Variants in PPP1R13B observed in about 807,000 individuals in gnomAD.
PPP1R13B encodes apoptosis-stimulating of p53 protein 1.
PPP1R13B carries 44 observed loss-of-function variants against 119.8 expected under a neutral mutation model. The ratio of observed to expected loss-of-function variants is 0.37; its 90% CI spans 0.29 to 0.47. PPP1R13B has a LOEUF of 0.47. PPP1R13B is among the 20% of genes least tolerant of loss of function. The pLI is 0.99. For synonymous variants in PPP1R13B, 542 were observed against 561.5 expected (o/e 0.97, Z 0.49); for missense variants, 1,227 against 1,413.5 (o/e 0.87, Z 2.12).
At position 103,738,761 on chromosome 14, in the gene PPP1R13B, C is replaced by T. The variant is rs766926889; in HGVS notation, c.2782G>A (p.Ala928Thr). The T allele has an allele frequency of 3.7e-6, 6 of 1,614,108 alleles. No homozygotes were observed. The highest frequency in any genetic ancestry group is 4.2e-6 in the Non-Finnish European group (5 of 1,180,044). Reference protein sequence around the residue: ...NDEGITPLHNAVCAGHHHIVK... With the variant: ...NDEGITPLHNTVCAGHHHIVK... ...ATGTGATGGTGGCCGGCGCAGACGG[C>T]GTTGTGCAGTGGGGTGATCCCTTCG... The change falls in exon 14 of 17, where the codon GCC (alanine) becomes ACC (threonine). Residue 928 changes from alanine to threonine, a missense_variant. Ala to Thr is a moderately conservative substitution (Grantham distance 58). Coordinates refer to ENST00000202556, the MANE Select transcript of PPP1R13B (RefSeq NM_015316.3). This position sits in a 1 kb window ranked among gnomAD's most constrained non-coding sequence, Gnocchi z 5.6.
intron 4 of PPP1R13B, chr14:103,763,025 A>G (rs1392881985): frequency 1.4e-5 from 21 of 1,460,820 alleles, no homozygotes; most frequent in Non-Finnish European, 1.6e-5. Flanking sequence ...TAGTGCAAGC[A>G]ATAATAGAGA....
rs1237047784 is a variant in PPP1R13B at position 103,745,954 on chromosome 14, C to G, written c.1150+419G>C. ...CTGAGTAGCTGGGATTACAGGTGCA[C>G]GCCACCACGCCCGGCTAATTTTCGT... On this transcript the variant is annotated intron_variant, in intron 9 of 16. Coordinates refer to ENST00000202556, the MANE Select transcript of PPP1R13B (RefSeq NM_015316.3). 2.0e-5 allele frequency among the ~76,000 whole-genome samples: 3 copies of G among 152,076 alleles called. No homozygotes were observed. The East Asian group carries it at 5.8e-4, about 29-fold the overall frequency.
Position 103,832,134 on chromosome 14 carries a change from T to C in PPP1R13B, c.9+15165A>G, listed in dbSNP as rs142072068. Among the ~76,000 whole-genome samples, 443 of 152,232 alleles carry C rather than the reference T, an allele frequency of 2.9e-3. 3 individuals carry two copies. Among genetic ancestry groups the C allele is most frequent in the African/African-American group, 9.7e-3 (402 of 41,550 alleles). On this transcript the variant is annotated intron_variant, in intron 1 of 16. Transcript: ENST00000202556. Reference sequence around the variant, plus strand: ...AAAAAAAAAAAAAAAGTTATGTTTCTATTGCACACAGCTCATCTAAAATGT... The same window carrying C: ...AAAAAAAAAAAAAAAGTTATGTTTCCATTGCACACAGCTCATCTAAAATGT...
At chr14:103,757,973 T>C (rs2151987309) in intron 4 of PPP1R13B, among the ~76,000 whole-genome samples, 1 of 152,336 alleles carries the variant, frequency 6.6e-6, no homozygotes, top group South Asian at 2.1e-4. Flanking sequence ...CCGTATTTAG[T>C]AAGGGCTCAA....
chr14:103,762,892 A>C (rs2084843397), intron 4 of PPP1R13B: 1 of 992,636 alleles, frequency 1.0e-6, no homozygotes, highest in South Asian at 1.4e-5. Flanking sequence ...CAGTGGAATC[A>C]GAGCAAATTT....
rs376498848 is a variant in PPP1R13B at position 103,823,388 on chromosome 14, TCTCC to T, written c.9+23907_9+23910del. Among the ~76,000 whole-genome samples the T allele has an allele frequency of 1.0e-3, 152 of 150,652 alleles. 1 individual carries two copies. The highest frequency in any genetic ancestry group is 3.6e-3 in the African/African-American group (147 of 41,050). Reference sequence around the variant, plus strand: ...CAGGGACAATTTGGCAGGCCACTGCTCTCCCTCCATCAAGGTGAGCTGGACAGTG... The same window carrying T: ...CAGGGACAATTTGGCAGGCCACTGCTCTCCATCAAGGTGAGCTGGACAGTG... On this transcript the variant is annotated intron_variant, in intron 1 of 16. Coordinates refer to ENST00000202556, the MANE Select transcript of PPP1R13B (RefSeq NM_015316.3).
chr14:103,847,814 G>T (rs1020169132), upstream of PPP1R13B: 1 of 187,504 alleles, frequency 5.3e-6, no homozygotes, highest in African/African-American at 2.4e-5. Context: ...GGCCTCCCCC[G>T]CCCTTGCGTG....
rs1246296346 is a variant in PPP1R13B at position 103,847,339 on chromosome 14, C to G, written c.-32G>C. ...GAGAGTCCGCGACGCCCTCGGCCGC[C>G]GCCTGACAGGACGCTCCGCGCCGAG... is the stretch of plus-strand genomic sequence containing the variant. On this transcript the variant is annotated 5_prime_UTR_variant, in exon 1 of 17. Coordinates refer to ENST00000202556, the MANE Select transcript of PPP1R13B (RefSeq NM_015316.3). 5 of 1,232,870 alleles carry G rather than the reference C, an allele frequency of 4.1e-6. No individual in the cohort carries two copies. The highest frequency in any genetic ancestry group is 5.2e-6 in the Non-Finnish European group (5 of 968,228). 76.4% of individuals were successfully genotyped at this position (1,232,870 alleles called of 1,614,324 possible).
At chr14:103,735,279 C>A (rs972484867) in intron 16 of PPP1R13B, 84 bp from the exon 17 acceptor site, 6 of 1,385,738 alleles carry the variant, frequency 4.3e-6, no homozygotes, top group Non-Finnish European at 6.1e-6. Flanking sequence ...CTCCTCACCT[C>A]AGCCACCCTG....
chr14:103,773,364 T>C (rs1013968225), intron 4 of PPP1R13B, among the ~76,000 whole-genome samples: 3 of 152,170 alleles, frequency 2.0e-5, no homozygotes, highest in African/African-American at 7.2e-5. Flanking sequence ...TCCAGAGCTG[T>C]TGACAGATGC....
intron 4 of PPP1R13B, 152 bp from the exon 5 acceptor site, chr14:103,757,903 A>G: frequency 1.9e-6 from 1 of 530,976 alleles, no homozygotes; most frequent in East Asian, 3.2e-5. Flanking sequence ...ACTTTTCCTA[A>G]TTGTTGACTG....
intron 2 of PPP1R13B, among the ~76,000 whole-genome samples, chr14:103,796,743 G>A (rs867073587): frequency 6.6e-6 from 1 of 152,050 alleles, no homozygotes; most frequent in Non-Finnish European, 1.5e-5. Flanking sequence ...GATTGCCTGA[G>A]CTCAGGAGTT....
Position 103,733,583 on chromosome 14 carries a change from T to TTCAC in PPP1R13B, c.*1567_*1570dup, listed in dbSNP as rs962032253. 2 of 153,382 alleles carry TTCAC rather than the reference T, an allele frequency of 1.3e-5. No homozygotes were observed. The highest frequency in any genetic ancestry group is 3.4e-3 in the Middle Eastern group (1 of 292). The allele number at this position is 153,382 out of a possible 1,614,324, so 9.5% of individuals were successfully genotyped here. ...CGTGGGGGCTTTGTGTTTTGTACTTTTCACTCACTATTTCACTTTATTAAG... is the reference window on the plus strand; with the variant it reads ...CGTGGGGGCTTTGTGTTTTGTACTTTTCACTCACTCACTATTTCACTTTATTAAG... On this transcript the variant is annotated 3_prime_UTR_variant, in exon 17 of 17. Coordinates refer to ENST00000202556, the MANE Select transcript of PPP1R13B (RefSeq NM_015316.3).
chr14:103,738,847 G>A lies in PPP1R13B; in HGVS notation c.2731-35C>T, dbSNP rs777157543. 3.5e-5 allele frequency: 56 copies of A among 1,613,142 alleles called. 1 individual carries two copies. In the South Asian group the frequency reaches 4.3e-4, roughly 12 times the overall value. ...ACGGCCTGTGAGCGCCCATCCCCTC[G>A]CCCCCAGCAGCGTGCACTGGTCCCC... is the stretch of plus-strand genomic sequence containing the variant. On this transcript the variant is annotated intron_variant, in intron 13 of 16. Coordinates refer to ENST00000202556, the MANE Select transcript of PPP1R13B (RefSeq NM_015316.3). The surrounding 1 kb of genome is among the most constrained non-coding windows in gnomAD (Gnocchi z 5.6).
At chr14:103,840,023 TG>T in intron 1 of PPP1R13B, 1 of 152,364 alleles carries the variant, frequency 6.6e-6, no homozygotes, top group South Asian at 2.1e-4. Flanking sequence ...TTGTTCTATA[TG>T]ATATCACCAA....
At chr14:103,773,107 A>G (rs1567112129) in intron 4 of PPP1R13B, among the ~76,000 whole-genome samples, 2 of 152,216 alleles carry the variant, frequency 1.3e-5, no homozygotes, top group South Asian at 4.1e-4. Flanking sequence ...TCAAAATAAT[A>G]ATAATAAAAG....
At chr14:103,832,462 T>C (rs931131091) in intron 1 of PPP1R13B, among the ~76,000 whole-genome samples, 3 of 152,192 alleles carry the variant, frequency 2.0e-5, no homozygotes, top group African/African-American at 7.2e-5. Flanking sequence ...ATTAGAACTG[T>C]GTAACATGTA....
intron 16 of PPP1R13B, 31 bp from the exon 17 acceptor site, chr14:103,735,226 GAAGCC>G (rs1224186638): frequency 1.9e-6 from 3 of 1,613,004 alleles, no homozygotes; most frequent in Middle Eastern, 1.8e-4. Flanking sequence ...GTCAGGACAG[GAAGCC>G]ACACACAGGG....
intron 4 of PPP1R13B, among the ~76,000 whole-genome samples, chr14:103,774,234 C>T (rs2085130117): frequency 6.6e-6 from 1 of 152,154 alleles, no homozygotes; most frequent in Non-Finnish European, 1.5e-5. Context: ...GTCTTGGCAA[C>T]TTACTGGATA....
Sources: allele counts gnomAD v4.1 joint callset (sites outside exome capture counted in the v4.1 genomes callset), GRCh38; gene constraint gnomAD v4.1.1; non-coding constraint Gnocchi (gnomAD v3.1); transcripts MANE v1.5; gene names NCBI Gene and HGNC (gene_info 2026-07-23, HGNC 2026-07-21).